CSMD1: variants seen among roughly 807,000 people sequenced by gnomAD.
The protein encoded by CSMD1 is CUB and sushi domain-containing protein 1.
A neutral mutation model predicts 417.5 loss-of-function variants in CSMD1; 213 were observed. The observed-to-expected ratio is 0.51, with a 90% CI of 0.46 to 0.57. The LOEUF (loss-of-function observed/expected upper bound fraction) is 0.57. Ranked by LOEUF, CSMD1 falls within the 20% of genes least tolerant of loss-of-function variation. The probability of loss-of-function intolerance (pLI) is 0.00; values close to 1 mark genes in which losing one functional copy is unlikely to be tolerated. For synonymous variants in CSMD1, 2,862 were observed against 1,736.8 expected, an observed-to-expected ratio of 1.65 and a Z score of -16.11; for missense variants, 6,923 against 4,529.7, an observed-to-expected ratio of 1.53 and a Z score of -15.17.
At chr8:3,368,502 A>C (rs1809747159) in intron 19 of CSMD1, among the ~76,000 whole-genome samples, 1 of 152,002 alleles carries the variant, frequency 6.6e-6, no homozygotes, top group Non-Finnish European at 1.5e-5. Context: ...ATGCCTGGCT[A>C]ATTATTTTGT....
intron 57 of CSMD1, among the ~76,000 whole-genome samples, chr8:2,968,336 G>T (rs907143795): frequency 6.6e-6 from 1 of 152,140 alleles, no homozygotes; most frequent in Non-Finnish European, 1.5e-5. Flanking sequence ...TGATGTTATT[G>T]TTACATTGTA....
At chr8:3,098,394 T>C (rs1341260214) in intron 46 of CSMD1, among the ~76,000 whole-genome samples, 1 of 152,218 alleles carries the variant, frequency 6.6e-6, no homozygotes, top group Non-Finnish European at 1.5e-5. Context: ...GTAATTTATT[T>C]CCTATTTTCT....
chr8:3,911,466 T>C (rs918385233), intron 5 of CSMD1, among the ~76,000 whole-genome samples: 17 of 150,330 alleles, frequency 1.1e-4, no homozygotes, highest in African/African-American at 3.4e-4. Context: ...AGGCGGAGCC[T>C]GCAGTGAGCC....
intron 5 of CSMD1, among the ~76,000 whole-genome samples, chr8:3,765,986 G>C (rs1008615812): frequency 5.3e-5 from 8 of 152,238 alleles, no homozygotes; most frequent in African/African-American, 1.7e-4. Flanking sequence ...CCAGAGGTCA[G>C]GCAGAGAGGA....
chr8:3,259,267 T>C (rs891344765), intron 26 of CSMD1, among the ~76,000 whole-genome samples: 6 of 152,232 alleles, frequency 3.9e-5, no homozygotes, highest in Admixed American at 6.5e-5. Flanking sequence ...GGAAGACGTA[T>C]GCATTTATGA....
At chr8:4,183,930 C>G (rs1248411963) in intron 3 of CSMD1, among the ~76,000 whole-genome samples, 2 of 152,106 alleles carry the variant, frequency 1.3e-5, no homozygotes, top group Non-Finnish European at 2.9e-5. Context: ...ACATGATAGT[C>G]TGGGAAACCT....
At chr8:3,804,327 C>T (rs1436552046) in intron 5 of CSMD1, among the ~76,000 whole-genome samples, 2 of 152,114 alleles carry the variant, frequency 1.3e-5, no homozygotes, top group South Asian at 2.1e-4. Context: ...CCAGTTGAAA[C>T]TCTAATGCGT....
At chr8:3,976,456 A>C (rs1327011148) in intron 5 of CSMD1, among the ~76,000 whole-genome samples, 2 of 152,326 alleles carry the variant, frequency 1.3e-5, no homozygotes, top group Non-Finnish European at 2.9e-5. Context: ...TTATTAATTC[A>C]GCTGTCTCCC....
At position 4,289,628 on chromosome 8, in the gene CSMD1, T is replaced by C. The variant is rs531971376; in HGVS notation, c.415+130325A>G. 7.2e-5 allele frequency among the ~76,000 whole-genome samples: 11 copies of C among 152,292 alleles called. 1 individual carries two copies. The highest frequency in any genetic ancestry group is 2.6e-4 in the African/African-American group (11 of 41,562). ...GCCGTGGATGATGGTGGGGATCTGC[T>C]GGACGGAGTAGAGCAGCTGTCCATG... On this transcript the variant is annotated intron_variant, in intron 3 of 69. Transcript: ENST00000635120.
intron 4 of CSMD1, among the ~76,000 whole-genome samples, chr8:4,008,198 G>A (rs1816276805): frequency 6.6e-6 from 1 of 151,876 alleles, no homozygotes; most frequent in Middle Eastern, 3.2e-3. Context: ...CAGGGCAGCT[G>A]GAAAAATTAG....
At chr8:4,218,464 A>G (rs180778376) in intron 3 of CSMD1, among the ~76,000 whole-genome samples, 5 of 152,332 alleles carry the variant, frequency 3.3e-5, no homozygotes, top group African/African-American at 1.2e-4. Flanking sequence ...TTTCCATGAA[A>G]GTCTCAACCT....
Position 2,955,680 on chromosome 8 carries a change from G to A in CSMD1, c.9903C>T (p.Thr3301=). 1.9e-6 allele frequency: 3 copies of A among 1,613,902 alleles called. No homozygotes were observed. Among genetic ancestry groups the A allele is most frequent in the East Asian group, 2.2e-5 (1 of 44,874 alleles). The change falls in exon 64 of 70, where the codon ACC becomes ACT. Residue 3301 remains threonine (T), a synonymous_variant. Transcript: ENST00000635120. ...LPTFGYTLVY[T]CHPGFFLAGG... ...CTGCGAGGAAAAAGCCTGGATGGCA[G>A]GTGTACACTAAGGTGTAGCCGAAAG...
chr8:3,680,727 C>G lies in CSMD1; in HGVS notation c.1009+27687G>C, dbSNP rs550998154. Among the ~76,000 whole-genome samples, 80 of 152,226 alleles carry G rather than the reference C, an allele frequency of 5.3e-4. 1 individual carries two copies. Among genetic ancestry groups the G allele is most frequent in the African/African-American group, 1.8e-3 (74 of 41,542 alleles). Reference sequence around the variant, plus strand: ...TCCTGATACCAAAGCCGGGCAGAGACACAACCAAAAAAGAGAATTTTAGAC... The same window carrying G: ...TCCTGATACCAAAGCCGGGCAGAGAGACAACCAAAAAAGAGAATTTTAGAC... On this transcript the variant is annotated intron_variant, in intron 7 of 69. Transcript: ENST00000635120.
intron 12 of CSMD1, among the ~76,000 whole-genome samples, chr8:3,452,851 T>A (rs1022659632): frequency 3.3e-5 from 5 of 152,206 alleles, no homozygotes. Context: ...TAGGGAGGAT[T>A]CCCTCTTTTT....
chr8:4,260,797 C>T (rs1023477106), intron 3 of CSMD1, among the ~76,000 whole-genome samples: 3 of 152,160 alleles, frequency 2.0e-5, no homozygotes, highest in African/African-American at 4.8e-5. Context: ...ACTGTCACCT[C>T]TCCTGGAAAA....
chr8:4,789,642 T>A (rs1797589579), intron 1 of CSMD1, among the ~76,000 whole-genome samples: 1 of 152,196 alleles, frequency 6.6e-6, no homozygotes, highest in Non-Finnish European at 1.5e-5. Flanking sequence ...CATTTTTGAA[T>A]GCTGGCATAC....
At chr8:3,799,354 G>A (rs528414159) in intron 5 of CSMD1, among the ~76,000 whole-genome samples, 55 of 149,382 alleles carry the variant, frequency 3.7e-4, no homozygotes, top group East Asian at 1.0e-3. Flanking sequence ...CCATTAACTC[G>A]TCAATTGCAT....
chr8:3,658,780 C>G (rs1393219604), intron 7 of CSMD1, among the ~76,000 whole-genome samples: 1 of 151,990 alleles, frequency 6.6e-6, no homozygotes, highest in Non-Finnish European at 1.5e-5. Context: ...GAGACTCCAC[C>G]TCAAAAAATA....
chr8:4,955,034 C>T lies in CSMD1; in HGVS notation c.85+39298G>A, dbSNP rs543019490. 1.2e-4 allele frequency among the ~76,000 whole-genome samples: 19 copies of T among 152,208 alleles called. No individual in the cohort carries two copies. In the East Asian group the frequency reaches 1.5e-3, roughly 12 times the overall value. On this transcript the variant is annotated intron_variant, in intron 1 of 69. Coordinates refer to ENST00000635120, the MANE Select transcript of CSMD1 (RefSeq NM_033225.6). ...AGACGAGAAAGCCAGCTGATTTTCTCGGGACATCCATTGCTGTATGTCAGT... is the reference window on the plus strand; with the variant it reads ...AGACGAGAAAGCCAGCTGATTTTCTTGGGACATCCATTGCTGTATGTCAGT...
Sources: gnomAD v4.1 joint callset for allele counts (sites outside exome capture counted in the v4.1 genomes callset) on GRCh38, gnomAD v4.1.1 for gene constraint, MANE v1.5 for transcripts, NCBI Gene and HGNC (gene_info 2026-07-23, HGNC 2026-07-21) for gene names.